The following HEATR4 variants were observed in gnomAD, a reference collection of about 807,000 sequenced individuals.
HEATR4 encodes the protein HEAT repeat-containing protein 4.
HEATR4 carries 95 observed loss-of-function variants against 108.8 expected under a neutral mutation model. The observed-to-expected ratio is 0.87, with a 90% CI of 0.74 to 1.04. HEATR4 has a LOEUF of 1.04. Ranked by LOEUF, HEATR4 falls within the 50% of genes least tolerant of loss-of-function variation. The pLI is 0.00. For missense variants in HEATR4, 1,152 were observed against 1,253.8 expected, an observed-to-expected ratio of 0.92 and a Z score of 1.23; for synonymous variants, 443 against 459.4, an observed-to-expected ratio of 0.96 and a Z score of 0.46.
Position 73,520,817 on chromosome 14 carries a change from C to T in HEATR4, c.1069+35G>A, listed in dbSNP as rs186653850. 6.7e-5 allele frequency: 106 copies of T among 1,579,236 alleles called. No homozygotes were observed. The African/African-American group carries it at 1.3e-3, about 19-fold the overall frequency. ...CTTCCACCTTCCTGGCCCATGTCCC[C>T]GTGTGCCCCTACCACAGGGGCCCAG... On this transcript the variant is annotated intron_variant, in intron 4 of 17. Coordinates refer to ENST00000553558, the MANE Select transcript of HEATR4 (RefSeq NM_001220484.1).
At chr14:73,594,211 T>C in the HEATR4 span, among the ~76,000 whole-genome samples, 1 of 152,230 alleles carries the variant, frequency 6.6e-6, no homozygotes, top group East Asian at 1.9e-4. Flanking sequence ...TGTCAGAGTA[T>C]GTTCTCAGAT....
chr14:73,573,528 A>G, the HEATR4 span: 2 of 1,613,700 alleles, frequency 1.2e-6, no homozygotes, highest in Non-Finnish European at 1.7e-6. Flanking sequence ...CCCCAAGACC[A>G]TGGAGACGCT....
At chr14:73,564,039 G>A in the HEATR4 span, among the ~76,000 whole-genome samples, 6 of 151,678 alleles carry the variant, frequency 4.0e-5, no homozygotes, top group Non-Finnish European at 8.8e-5. Flanking sequence ...GGTGACTCAC[G>A]ACTGTAGTCT....
At chr14:73,549,754 C>T (rs1437465588) in intron 1 of HEATR4, among the ~76,000 whole-genome samples, 1 of 68,920 alleles carries the variant, frequency 1.5e-5, no homozygotes, top group African/African-American at 4.5e-5. Flanking sequence ...CACAGTAGCA[C>T]CCCAACCACT....
chr14:73,492,512 G>T lies in HEATR4; in HGVS notation c.2844+554C>A. 2 of 1,613,326 alleles carry T rather than the reference G, an allele frequency of 1.2e-6. No homozygotes were observed. Among genetic ancestry groups the T allele is most frequent in the Non-Finnish European group, 1.7e-6 (2 of 1,179,610 alleles). On this transcript the variant is annotated intron_variant, in intron 17 of 17. Coordinates refer to ENST00000553558, the MANE Select transcript of HEATR4 (RefSeq NM_001220484.1). The surrounding 1 kb of genome is among the most constrained non-coding windows in gnomAD (Gnocchi z 4.9). ...CTTTGCTCCTGTTGATGCTGTGGCC[G>T]ACCAGCGAGCCAAAGACTTCATTCA...
chr14:73,514,191 G>C lies in HEATR4; in HGVS notation c.1254C>G (p.Pro418=), dbSNP rs1275820867. 1 of 1,614,054 alleles carries C rather than the reference G, an allele frequency of 6.2e-7. No homozygotes were observed. Among genetic ancestry groups the C allele is most frequent in the African/African-American group, 1.3e-5 (1 of 74,914 alleles). The change falls in exon 6 of 18, where the codon CCC becomes CCG. Residue 418 remains proline, a synonymous_variant. Coordinates refer to ENST00000553558, the MANE Select transcript of HEATR4 (RefSeq NM_001220484.1). ...VQGALRWTAL[P]TPAKDMLLQV... is the part of the protein sequence containing the mutation. The stretch of plus-strand genomic sequence containing the variant: ...GCAGCAGCATATCCTTGGCGGGGGT[G>C]GGCAAAGCAGTCCAGCGCAGGGCTC...
chr14:73,493,310 A>G, intron 16 of HEATR4, 186 bp from the exon 17 acceptor site: 2 of 573,352 alleles, frequency 3.5e-6, no homozygotes, highest in East Asian at 2.9e-5. Context: ...GTTCTTTTTC[A>G]TGGGCGGGTC....
chr14:73,560,661 CA>C (rs11448429), upstream of HEATR4, among the ~76,000 whole-genome samples: 1,476 of 120,762 alleles, frequency 0.012, 16 homozygotes, highest in Middle Eastern at 0.037. Flanking sequence ...GACTCCATCT[CA>C]AAAAAAAAAA....
intron 12 of HEATR4, 100 bp downstream of exon 12, chr14:73,500,450 T>C (rs974863003): frequency 1.6e-6 from 2 of 1,280,862 alleles, no homozygotes; most frequent in African/African-American, 2.9e-5. Context: ...TCTCTCATTC[T>C]GTGTCCCCAC....
At position 73,514,245 on chromosome 14, in the gene HEATR4, T is replaced by A. The variant is rs1446594153; in HGVS notation, c.1211-11A>T. ...GCACAGGTCTGTAAGCTGTGCAACG[T>A]GGCAGTGTGAGGTCTTTTCACCCCA... On this transcript the variant is annotated splice_polypyrimidine_tract_variant and intron_variant, in intron 5 of 17. Coordinates refer to ENST00000553558, the MANE Select transcript of HEATR4 (RefSeq NM_001220484.1). The A allele has an allele frequency of 6.2e-7, 1 of 1,612,590 alleles. No individual in the cohort carries two copies. The highest frequency in any genetic ancestry group is 2.2e-5 in the East Asian group (1 of 44,860).
At chr14:73,491,212 A>C (rs2140248037) in intron 17 of HEATR4, 1 of 1,593,426 alleles carries the variant, frequency 6.3e-7, no homozygotes, top group South Asian at 1.1e-5. Context: ...ACTCGGAGGA[A>C]TCGAGGGTGG....
chr14:73,510,441 TG>T (rs1306147333), intron 7 of HEATR4, among the ~76,000 whole-genome samples: 1 of 139,644 alleles, frequency 7.2e-6, no homozygotes, highest in African/African-American at 2.8e-5. Context: ...TTTTTGTTTT[TG>T]TTTTTTTTTT....
Position 73,536,720 on chromosome 14 carries a change from A to G in HEATR4, c.-151-6476T>C, listed in dbSNP as rs567518866. Among the ~76,000 whole-genome samples, 27 of 113,248 alleles carry G rather than the reference A, an allele frequency of 2.4e-4. 7 individuals carry two copies. The highest frequency in any genetic ancestry group is 7.8e-4 in the African/African-American group (27 of 34,710). 74.3% of individuals were successfully genotyped at this position (113,248 alleles called of 152,430 possible). On this transcript the variant is annotated intron_variant, in intron 1 of 17. Transcript: ENST00000553558. ...TTAATAACTATTACCTCATTTGGCT[A>G]TTTTTACACCTGTAAGGAATAAAGC...
intron 5 of HEATR4, among the ~76,000 whole-genome samples, chr14:73,518,656 G>A (rs1007012216): frequency 2.0e-5 from 3 of 152,110 alleles, no homozygotes; most frequent in Non-Finnish European, 4.4e-5. Context: ...GGTAGAGCCA[G>A]CCCAAGGGAA....
At chr14:73,512,508 A>C (rs1298194579) in intron 6 of HEATR4, among the ~76,000 whole-genome samples, 1 of 152,220 alleles carries the variant, frequency 6.6e-6, no homozygotes, top group Non-Finnish European at 1.5e-5. Flanking sequence ...TAGCTGTGTG[A>C]CTGTGGATAA....
chr14:73,514,268 C>T (rs1197603107), intron 5 of HEATR4, 34 bp from the exon 6 acceptor site: 11 of 1,592,708 alleles, frequency 6.9e-6, no homozygotes, highest in Non-Finnish European at 8.6e-6. Flanking sequence ...TCTTTTCACC[C>T]CACTGCCTTA....
At chr14:73,502,866 A>G in intron 11 of HEATR4, 29 bp downstream of exon 11, 9 of 1,521,598 alleles carry the variant, frequency 5.9e-6, no homozygotes, top group South Asian at 1.1e-5. Flanking sequence ...AATTTAGAAG[A>G]GTGTCTCCTC....
At chr14:73,564,807 A>G in the HEATR4 span, among the ~76,000 whole-genome samples, 3 of 143,764 alleles carry the variant, frequency 2.1e-5, no homozygotes, top group Non-Finnish European at 4.5e-5. Context: ...GGCTCAAGCA[A>G]TCTCCTGCCT....
the HEATR4 span, among the ~76,000 whole-genome samples, chr14:73,603,365 G>GT: frequency 8.6e-5 from 13 of 150,936 alleles, no homozygotes; most frequent in East Asian, 1.9e-4. Context: ...TTTTGTTTTT[G>GT]TTTTTTTTGA....
Sources: allele counts gnomAD v4.1 joint callset (sites outside exome capture counted in the v4.1 genomes callset), GRCh38; gene constraint gnomAD v4.1.1; non-coding constraint Gnocchi (gnomAD v3.1); transcripts MANE v1.5; gene names NCBI Gene and HGNC (gene_info 2026-07-23, HGNC 2026-07-21).